The following MTMR4 variants were observed in gnomAD, a reference collection of about 807,000 sequenced individuals.
MTMR4 encodes phosphatidylinositol-3,5-bisphosphate 3-phosphatase MTMR4.
MTMR4 carries 30 observed loss-of-function variants against 125.5 expected under a neutral mutation model. The ratio of observed to expected loss-of-function variants is 0.24; its 90% confidence interval spans 0.18 to 0.32. The LOEUF (loss-of-function observed/expected upper bound fraction) is 0.32, where lower values mean the gene tolerates loss of function less well. Among genes scored for constraint, MTMR4 ranks in the 10% least tolerant of loss-of-function variants. MTMR4 has a pLI of 1.00. For missense variants in MTMR4, 1,039 were observed against 1,511.5 expected (o/e 0.69, Z 5.18); for synonymous variants, 498 against 564.5 (o/e 0.88, Z 1.67).
intron 14 of MTMR4, among the ~76,000 whole-genome samples, chr17:58,497,456 C>T (rs1975500661): frequency 6.6e-6 from 1 of 152,130 alleles, no homozygotes; most frequent in Admixed American, 6.6e-5. Context: ...TTTAACTTCT[C>T]TACGCCTCAG....
chr17:58,503,868 G>A lies in MTMR4; in HGVS notation c.1729C>T (p.Leu577=). 6.2e-7 allele frequency: 1 copy of A among 1,614,144 alleles called. No homozygotes were observed. Among genetic ancestry groups the A allele is most frequent in the Non-Finnish European group, 8.5e-7 (1 of 1,180,020 alleles). ...VLHPVCHVRA[L]HLWTAVYLPA... is the part of the protein sequence containing the mutation. Reference sequence around the variant, plus strand: ...AGATAAACAGCTGTCCAGAGGTGCAGGGCCCGGACATGACAAACAGGATGC... The same window carrying A: ...AGATAAACAGCTGTCCAGAGGTGCAAGGCCCGGACATGACAAACAGGATGC... Residue 577 remains leucine, a synonymous_variant, in exon 14 of 18, where the codon CTG becomes TTG. Transcript: ENST00000682306.
intron 15 of MTMR4, among the ~76,000 whole-genome samples, chr17:58,494,468 C>T (rs182360365): frequency 4.1e-4 from 62 of 152,240 alleles, no homozygotes; most frequent in African/African-American, 1.4e-3. Flanking sequence ...CCCTTGTAAT[C>T]TCCACCTAAT....
chr17:58,507,165 T>A lies in MTMR4; in HGVS notation c.862A>T (p.Thr288Ser). ...GCCTCGCTGGTATCATTATTCCCGG[T>A]GCTGAGGGAGCCCCCAGTGGCCCTT... is the stretch of plus-strand genomic sequence containing the variant. ...GTRATGGSLSTGNNDTSEACD... is the reference protein window; with the variant it reads ...GTRATGGSLSSGNNDTSEACD... The change falls in exon 8 of 18, where the codon ACC (threonine) becomes TCC (serine). Residue 288 changes from threonine (T) to serine (S), a missense_variant. Thr to Ser is a moderately conservative substitution (Grantham distance 58, BLOSUM62 1). This residue lies in a region of MTMR4 where 49 missense variants were observed against 68.4 expected (regional missense o/e 0.72). Coordinates refer to ENST00000682306, the MANE Select transcript of MTMR4 (RefSeq NM_001378067.1). The A allele has an allele frequency of 1.2e-6, 2 of 1,614,132 alleles. No homozygotes were observed. The highest frequency in any genetic ancestry group is 1.7e-6 in the Non-Finnish European group (2 of 1,180,010).
At chr17:58,492,689 G>T (rs1975345785) in intron 16 of MTMR4, 90 bp from the exon 17 acceptor site, 1 of 1,405,758 alleles carries the variant, frequency 7.1e-7, no homozygotes. Context: ...AGCAGAAAGA[G>T]ACAAGGCTTA....
intron 15 of MTMR4, among the ~76,000 whole-genome samples, chr17:58,494,177 G>A (rs1018661423): frequency 6.6e-6 from 1 of 151,992 alleles, no homozygotes; most frequent in African/African-American, 2.4e-5. Context: ...AAAATTAGCT[G>A]GGCATGGTGG....
intron 14 of MTMR4, among the ~76,000 whole-genome samples, chr17:58,497,639 T>C (rs562132802): frequency 6.6e-5 from 10 of 152,378 alleles, no homozygotes; most frequent in African/African-American, 2.4e-4. Flanking sequence ...GGCAGGACTC[T>C]GTCTTATTTG....
chr17:58,513,659 C>G (rs1192092764), intron 1 of MTMR4, among the ~76,000 whole-genome samples: 1 of 151,856 alleles, frequency 6.6e-6, no homozygotes, highest in Admixed American at 6.6e-5. Flanking sequence ...GGGATCCACG[C>G]GCCTGGGAGG....
chr17:58,503,931 A>C (rs551457026), intron 13 of MTMR4, 33 bp from the exon 14 acceptor site: 4 of 1,596,668 alleles, frequency 2.5e-6, no homozygotes, highest in Non-Finnish European at 3.4e-6. Context: ...GTGCTTTGTC[A>C]AGAGTTCCTT....
At chr17:58,506,622 G>T (rs1975784828) in intron 9 of MTMR4, 121 bp downstream of exon 9, 2 of 1,294,446 alleles carry the variant, frequency 1.5e-6, no homozygotes, top group Non-Finnish European at 2.1e-6. Context: ...AGGTAGCAAA[G>T]TTGTGATTAC....
At position 58,508,925 on chromosome 17, in the gene MTMR4, G is replaced by A. The variant is rs1975852670; in HGVS notation, c.336-84C>T. On this transcript the variant is annotated intron_variant, in intron 4 of 17. Coordinates refer to ENST00000682306, the MANE Select transcript of MTMR4 (RefSeq NM_001378067.1). The surrounding 1 kb of genome is among the most constrained non-coding windows in gnomAD (Gnocchi z 4.8). Reference sequence around the variant, plus strand: ...ATCAGGGCCAAAAACACAGCCACAGGAAGGCTGTGAGGAGAGAAGGCTGCA... The same window carrying A: ...ATCAGGGCCAAAAACACAGCCACAGAAAGGCTGTGAGGAGAGAAGGCTGCA... 6.8e-7 allele frequency: 1 copy of A among 1,478,844 alleles called. No individual in the cohort carries two copies. The highest frequency in any genetic ancestry group is 1.4e-5 in the African/African-American group (1 of 72,098). 91.6% of individuals were successfully genotyped at this position (1,478,844 alleles called of 1,614,324 possible).
At chr17:58,515,657 T>C (rs1976067343), upstream of MTMR4, among the ~76,000 whole-genome samples, 1 of 152,204 alleles carries the variant, frequency 6.6e-6, no homozygotes, top group South Asian at 2.1e-4. Context: ...GTGAAGCCCA[T>C]GCTCTTTTCA....
At position 58,511,515 on chromosome 17, in the gene MTMR4, T is replaced by C. The variant is rs1450814912; in HGVS notation, c.253-4A>G. Reference sequence around the variant, plus strand: ...TGTCAATCATCCGGAGGGGGACCTGTAGAGGAAGGGCAAACTGAAGCTCAG... The same window carrying C: ...TGTCAATCATCCGGAGGGGGACCTGCAGAGGAAGGGCAAACTGAAGCTCAG... On this transcript the variant is annotated splice_region_variant and splice_polypyrimidine_tract_variant and intron_variant, in intron 3 of 17. Coordinates refer to ENST00000682306, the MANE Select transcript of MTMR4 (RefSeq NM_001378067.1). The C allele has an allele frequency of 6.2e-7, 1 of 1,612,116 alleles. No homozygotes were observed.
rs111239148 is a variant in MTMR4, at chr17:58,505,692, G to A, written c.1034-109C>T. On this transcript the variant is annotated intron_variant, in intron 9 of 17. Coordinates refer to ENST00000682306, the MANE Select transcript of MTMR4 (RefSeq NM_001378067.1). Reference sequence around the variant, plus strand: ...GGAGGCTGAAGCGGTTGGATCACCTGAGGTCAGGAGTTCAAGAACAGCCTG... The same window carrying A: ...GGAGGCTGAAGCGGTTGGATCACCTAAGGTCAGGAGTTCAAGAACAGCCTG... 1,958 of 607,774 alleles carry A rather than the reference G, an allele frequency of 3.2e-3. 31 individuals are homozygous for A. The highest frequency in any genetic ancestry group is 0.031 in the African/African-American group (1,688 of 54,566). The allele number at this position is 607,774 out of a possible 1,614,324, so 37.6% of individuals were successfully genotyped here.
intron 4 of MTMR4, among the ~76,000 whole-genome samples, chr17:58,510,361 A>G (rs1975894967): frequency 6.6e-6 from 1 of 152,132 alleles, no homozygotes; most frequent in Non-Finnish European, 1.5e-5. Context: ...ACCCACCTCA[A>G]GGCCTTTGCA....
upstream of MTMR4, among the ~76,000 whole-genome samples, chr17:58,517,100 GCA>G (rs2042028147): frequency 6.6e-6 from 1 of 152,224 alleles, no homozygotes; most frequent in Non-Finnish European, 1.5e-5. Context: ...TTTACTGGGG[GCA>G]GAGTCCAGAG....
Position 58,504,275 on chromosome 17 carries a change from C to T in MTMR4, c.1527+28G>A. The stretch of plus-strand genomic sequence containing the variant: ...GGCCTCGGGCTGTCATTCCCCCCAT[C>T]CCTGTTGTCACAGGCCTTAGGACTT... On this transcript the variant is annotated intron_variant, in intron 12 of 17. Coordinates refer to ENST00000682306, the MANE Select transcript of MTMR4 (RefSeq NM_001378067.1). This position sits in a 1 kb window ranked among gnomAD's most constrained non-coding sequence, Gnocchi z 7.1. The T allele has an allele frequency of 6.2e-7, 1 of 1,606,750 alleles. No homozygotes were observed. The highest frequency in any genetic ancestry group is 8.5e-7 in the Non-Finnish European group (1 of 1,173,778).
intron 16 of MTMR4, 89 bp downstream of exon 16, chr17:58,492,753 G>A: frequency 1.5e-6 from 2 of 1,373,064 alleles, no homozygotes; most frequent in Non-Finnish European, 2.1e-6. Flanking sequence ...CTGGGGGACA[G>A]CTCAGTCTAC....
At chr17:58,516,735 A>T, upstream of MTMR4, 6 of 890,622 alleles carry the variant, frequency 6.7e-6, no homozygotes, top group Admixed American at 2.0e-5. Context: ...TCTCCCTCAC[A>T]GAGACTCCAG....
chr17:58,508,419 C>T lies in MTMR4; in HGVS notation c.593+49G>A. 1.9e-6 allele frequency: 3 copies of T among 1,598,966 alleles called. No individual in the cohort carries two copies. Among genetic ancestry groups the T allele is most frequent in the Non-Finnish European group, 2.6e-6 (3 of 1,166,282 alleles). ...CTGTGCCCACCACACTTTATCCAAA[C>T]ACGGAAGTAGTTTGGTGTGGAAGGT... On this transcript the variant is annotated intron_variant, in intron 6 of 17. Transcript: ENST00000682306. The surrounding 1 kb of genome is among the most constrained non-coding windows in gnomAD (Gnocchi z 4.8).
Sources: allele counts gnomAD v4.1 joint callset (sites outside exome capture counted in the v4.1 genomes callset), GRCh38; gene constraint gnomAD v4.1.1; regional missense constraint gnomAD v4.1.1; non-coding constraint Gnocchi (gnomAD v3.1); transcripts MANE v1.5; gene names NCBI Gene and HGNC (gene_info 2026-07-23, HGNC 2026-07-21).